Variants in SNED1 observed in about 807,000 individuals in gnomAD.
SNED1 encodes the protein sushi, nidogen and EGF-like domain-containing protein 1.
A neutral mutation model predicts 166.7 loss-of-function variants in SNED1; 81 were observed. The ratio of observed to expected loss-of-function variants is 0.49; its 90% CI spans 0.41 to 0.58. SNED1 has a LOEUF of 0.58. Among genes scored for constraint, SNED1 ranks in the 20% least tolerant of loss-of-function variants. The pLI, the probability that SNED1 is intolerant of heterozygous loss-of-function variation, is 0.00. For missense variants in SNED1, 1,604 were observed against 2,000.2 expected (o/e 0.80, Z 3.78); for synonymous variants, 762 against 822.0 (o/e 0.93, Z 1.25).
Position 241,030,624 on chromosome 2 carries a change from G to A in SNED1, c.501+53G>A, listed in dbSNP as rs2061138331. 1.9e-6 allele frequency: 3 copies of A among 1,566,872 alleles called. No homozygotes were observed. In the Admixed American group the frequency reaches 5.2e-5, roughly 27 times the overall value. On this transcript the variant is annotated intron_variant, in intron 2 of 31. Coordinates refer to ENST00000310397, the MANE Select transcript of SNED1 (RefSeq NM_001080437.3). ...GGTGGGTGTGTGGCTAGGGCCCAGGGTCTCCCCGCACCAGGGCTCCCTCTT... is the reference window on the plus strand; with the variant it reads ...GGTGGGTGTGTGGCTAGGGCCCAGGATCTCCCCGCACCAGGGCTCCCTCTT...
Position 241,062,720 on chromosome 2 carries a change from C to T in SNED1, c.2258-71C>T, listed in dbSNP as rs1434341328. The T allele has an allele frequency of 3.1e-6, 3 of 980,222 alleles. No individual in the cohort carries two copies. In the East Asian group the frequency reaches 7.8e-5, roughly 25 times the overall value. The allele number at this position is 980,222 out of a possible 1,614,324, so 60.7% of individuals were successfully genotyped here. A position where few individuals can be genotyped will look rare whatever the true frequency, so the allele number is the denominator to read the frequency against. On this transcript the variant is annotated intron_variant, in intron 16 of 31. Coordinates refer to ENST00000310397, the MANE Select transcript of SNED1 (RefSeq NM_001080437.3). ...TCGAATTCTGTCTGGCCCCTCAGGA[C>T]TAGTTTATGTGCATCTTAATTTGGC...
chr2:241,040,250 G>T, intron 7 of SNED1, 50 bp from the exon 8 acceptor site: 1 of 1,570,424 alleles, frequency 6.4e-7, no homozygotes, highest in Non-Finnish European at 8.7e-7. Flanking sequence ...CTGGGCACAG[G>T]GTGGTTGTGG....
intron 24 of SNED1, 36 bp from the exon 25 acceptor site, chr2:241,071,540 C>T (rs2062717356): frequency 6.4e-7 from 1 of 1,562,608 alleles, no homozygotes; most frequent in African/African-American, 1.3e-5. Context: ...CAGAGGGCAG[C>T]CCCAGACCAG....
chr2:241,011,003 G>A (rs993748045), intron 1 of SNED1, among the ~76,000 whole-genome samples: 3 of 151,978 alleles, frequency 2.0e-5, no homozygotes, highest in Non-Finnish European at 4.4e-5. Context: ...AGGGCCTGCC[G>A]CAGCATCTCT....
In SNED1 at chr2:241,068,272, C is replaced by T. The variant is rs2062547451; in HGVS notation, c.3194+325C>T. ...GACTTGGCCCCTCAGAGAGCAGCGG[C>T]CAGCGAGGGTAGATGGTAGCAGCCC... is the stretch of plus-strand genomic sequence containing the variant. On this transcript the variant is annotated intron_variant, in intron 22 of 31. Transcript: ENST00000310397. This position sits in a 1 kb window ranked among gnomAD's most constrained non-coding sequence, Gnocchi z 5.3. Among the ~76,000 whole-genome samples the T allele has an allele frequency of 6.6e-6, 1 of 151,910 alleles. No individual in the cohort carries two copies. The highest frequency in any genetic ancestry group is 2.1e-4 in the South Asian group (1 of 4,824).
chr2:241,042,583 G>T (rs2061548055), intron 8 of SNED1, among the ~76,000 whole-genome samples: 2 of 152,184 alleles, frequency 1.3e-5, no homozygotes, highest in African/African-American at 4.8e-5. Flanking sequence ...AGAAATGACA[G>T]AATTAGCAGA....
At chr2:241,083,837 A>C (rs2063446908) in intron 29 of SNED1, among the ~76,000 whole-genome samples, 1 of 151,986 alleles carries the variant, frequency 6.6e-6, no homozygotes, top group African/African-American at 2.4e-5. Context: ...TTTTTATTGG[A>C]GTATTTAGAC....
At chr2:241,062,985 GTC>G in intron 17 of SNED1, 81 bp downstream of exon 17, 1 of 889,760 alleles carries the variant, frequency 1.1e-6, no homozygotes, top group South Asian at 1.7e-5. Context: ...CCCCGGACAG[GTC>G]TCTGTCTGGA....
At chr2:241,019,615 C>T (rs958940304) in intron 1 of SNED1, among the ~76,000 whole-genome samples, 2 of 152,190 alleles carry the variant, frequency 1.3e-5, no homozygotes, top group Non-Finnish European at 2.9e-5. Flanking sequence ...GCACAGGGTC[C>T]CTGTCATCGC....
chr2:241,014,576 T>C (rs945392486), intron 1 of SNED1, among the ~76,000 whole-genome samples: 2 of 152,236 alleles, frequency 1.3e-5, no homozygotes, highest in African/African-American at 2.4e-5. Flanking sequence ...GTGGAGTGAC[T>C]GTTCAAGTGT....
rs1459139051 is a variant in SNED1, at chr2:241,087,411, G to A, written c.4141G>A (p.Val1381Ile). Residue 1381 changes from valine (V) to isoleucine (I), a missense_variant, in exon 30 of 32, where the codon GTT (valine) becomes ATT (isoleucine). Physicochemically the swap from Val to Ile is conservative, Grantham distance 29. Coordinates refer to ENST00000310397, the MANE Select transcript of SNED1 (RefSeq NM_001080437.3). ...CHHVYKRVYR[V>I]HQDICFKESC... ...CAACAGGTATAAAAGAGTCTACCGA[G>A]TTCACCAAGACATCTGCTTCAAAGA... 6.2e-7 allele frequency: 1 copy of A among 1,602,462 alleles called. No homozygotes were observed. Among genetic ancestry groups the A allele is most frequent in the Non-Finnish European group, 8.5e-7 (1 of 1,174,496 alleles).
In SNED1 at chr2:241,057,383, AT is replaced by A. The variant is rs1559276055; in HGVS notation, c.2257+4058del. Among the ~76,000 whole-genome samples, 39 of 39,506 alleles carry A rather than the reference AT, an allele frequency of 9.9e-4. 2 individuals are homozygous for A. Among genetic ancestry groups the A allele is most frequent in the Admixed American group, 8.6e-3 (37 of 4,294 alleles). The allele number at this position is 39,506 out of a possible 152,430, so 25.9% of individuals were successfully genotyped here. A position where few individuals can be genotyped will look rare whatever the true frequency, so the allele number is the denominator to read the frequency against. ...GACGAGCAAAACTCCATCTCAAAAT[AT>A]ATATATATATATATATATATATATA... On this transcript the variant is annotated intron_variant, in intron 16 of 31. Transcript: ENST00000310397.
In SNED1 at chr2:241,073,877, A is replaced by G. The variant is rs567669051; in HGVS notation, c.3916+513A>G. 5.7e-6 allele frequency: 1 copy of G among 176,196 alleles called. No individual in the cohort carries two copies. Among genetic ancestry groups the G allele is most frequent in the East Asian group, 1.5e-4 (1 of 6,570 alleles). 10.9% of individuals were successfully genotyped at this position (176,196 alleles called of 1,614,324 possible). On this transcript the variant is annotated intron_variant, in intron 27 of 31. Transcript: ENST00000310397. The surrounding 1 kb of genome is among the most constrained non-coding windows in gnomAD (Gnocchi z 6.6). ...GCTCTGCCTCGTGAGGATCGAGGCC[A>G]GCACGTCCCTGCAGGGCACCAAGCA...
At chr2:241,089,206 T>C (rs2125340262) in intron 31 of SNED1, 1 of 1,257,130 alleles carries the variant, frequency 8.0e-7, no homozygotes, top group East Asian at 2.6e-5. Flanking sequence ...TTTATCAACA[T>C]GTCACTGCAT....
At chr2:240,997,904 G>A (rs1406981432), upstream of SNED1, among the ~76,000 whole-genome samples, 2 of 152,202 alleles carry the variant, frequency 1.3e-5, no homozygotes, top group South Asian at 2.1e-4. Context: ...AGAGACAGGG[G>A]GCAGGGCTGG....
At chr2:241,030,001 C>A (rs540943511) in intron 1 of SNED1, among the ~76,000 whole-genome samples, 35 of 152,376 alleles carry the variant, frequency 2.3e-4, no homozygotes, top group African/African-American at 6.3e-4. Flanking sequence ...GACTTTCCTA[C>A]CCCCTATAGC....
intron 1 of SNED1, among the ~76,000 whole-genome samples, chr2:241,007,957 C>G (rs1202061253): frequency 6.6e-6 from 1 of 152,236 alleles, no homozygotes; most frequent in Non-Finnish European, 1.5e-5. Context: ...CGTGGGCTCA[C>G]TGGATCCAAG....
chr2:241,054,221 G>C (rs1003948072), intron 16 of SNED1, among the ~76,000 whole-genome samples: 17 of 152,170 alleles, frequency 1.1e-4, no homozygotes, highest in African/African-American at 4.1e-4. Flanking sequence ...AAGATGAGAA[G>C]CCGATATCCT....
In SNED1 at chr2:241,036,404, C is replaced by T. The variant is rs1019020324; in HGVS notation, c.806-386C>T. Among the ~76,000 whole-genome samples the T allele has an allele frequency of 3.3e-5, 5 of 152,138 alleles. No homozygotes were observed. The East Asian group carries it at 9.7e-4, about 29-fold the overall frequency. On this transcript the variant is annotated intron_variant, in intron 4 of 31. Coordinates refer to ENST00000310397, the MANE Select transcript of SNED1 (RefSeq NM_001080437.3). ...TGCGTGGCCCGCCTTGTCCCAGAAA[C>T]GCTGACATGACGGCTGAGTGCCAGC...
Sources: gnomAD v4.1 joint callset for allele counts (sites outside exome capture counted in the v4.1 genomes callset) on GRCh38, gnomAD v4.1.1 for gene constraint, Gnocchi (gnomAD v3.1) non-coding constraint, MANE v1.5 for transcripts, NCBI Gene and HGNC (gene_info 2026-07-23, HGNC 2026-07-21) for gene names.